B3GLCT: variants seen among roughly 807,000 people sequenced by gnomAD.
B3GLCT encodes beta 3-glucosyltransferase.
A neutral mutation model predicts 63.4 loss-of-function variants in B3GLCT; 65 were observed. The ratio of observed to expected loss-of-function variants is 1.03; its 90% CI spans 0.84 to 1.26. The LOEUF is 1.26. Among genes scored for constraint, B3GLCT ranks in the 50% most tolerant of loss-of-function variants. The pLI is 0.00. For synonymous variants in B3GLCT, 233 were observed against 219.2 expected (o/e 1.06, Z -0.55); for missense variants, 577 against 604.8 (o/e 0.95, Z 0.48).
Position 31,247,869 on chromosome 13 carries a change from A to T in B3GLCT, c.362A>T (p.Tyr121Phe). Residue 121 changes from tyrosine (Y) to phenylalanine (F), a missense_variant, in exon 6 of 15, where the codon TAT (tyrosine) becomes TTT (phenylalanine). Coordinates refer to ENST00000343307, the MANE Select transcript of B3GLCT (RefSeq NM_194318.4). ...LPLLPHFSVT[Y>F]SRNSSWIFFC... ...CTTTTGGTCAGTTTTTCTGTAACATATAGCAGAAATTCATCTTGGATTTTC... is the reference window on the plus strand; with the variant it reads ...CTTTTGGTCAGTTTTTCTGTAACATTTAGCAGAAATTCATCTTGGATTTTC... 6.3e-7 allele frequency: 1 copy of T among 1,580,624 alleles called. No individual in the cohort carries two copies. Among genetic ancestry groups the T allele is most frequent in the Non-Finnish European group, 8.7e-7 (1 of 1,149,948 alleles).
intron 13 of B3GLCT, among the ~76,000 whole-genome samples, chr13:31,323,248 T>C (rs1875422107): frequency 6.6e-6 from 1 of 152,128 alleles, no homozygotes; most frequent in Admixed American, 6.5e-5. Flanking sequence ...GAATGTTTCC[T>C]CCCCCAGGAA....
chr13:31,297,148 T>C (rs953333523), intron 12 of B3GLCT, among the ~76,000 whole-genome samples: 1 of 152,144 alleles, frequency 6.6e-6, no homozygotes, highest in African/African-American at 2.4e-5. Context: ...GGATACAGTA[T>C]GGATAGACCA....
chr13:31,254,476 A>G (rs1316529328), intron 6 of B3GLCT, among the ~76,000 whole-genome samples: 1 of 152,214 alleles, frequency 6.6e-6, no homozygotes, highest in Non-Finnish European at 1.5e-5. Context: ...TTCATGCTAA[A>G]AACTCTCAAT....
At chr13:31,315,939 A>G (rs1818427) in intron 12 of B3GLCT, among the ~76,000 whole-genome samples, 141,465 of 152,304 alleles carry the variant, frequency 0.93, 66,372 homozygotes, top group Non-Finnish European at 0.99. Context: ...GAGGGTGCAA[A>G]CCCCAAGCTT....
At chr13:31,284,317 C>T (rs936846216) in intron 10 of B3GLCT, among the ~76,000 whole-genome samples, 10 of 152,032 alleles carry the variant, frequency 6.6e-5, no homozygotes, top group African/African-American at 2.2e-4. Context: ...TTTCTCTTAC[C>T]GTGCTCCGTG....
At chr13:31,316,959 A>T (rs1480351669) in intron 12 of B3GLCT, among the ~76,000 whole-genome samples, 1 of 152,200 alleles carries the variant, frequency 6.6e-6, no homozygotes, top group African/African-American at 2.4e-5. Context: ...ATTCAAAAGT[A>T]TAAGCAATTA....
chr13:31,280,380 C>G (rs115609863), intron 10 of B3GLCT, among the ~76,000 whole-genome samples: 3 of 152,162 alleles, frequency 2.0e-5, no homozygotes, highest in Non-Finnish European at 4.4e-5. Context: ...CCTGACTTCC[C>G]GCAACACTCT....
chr13:31,215,011 A>G lies in B3GLCT; in HGVS notation c.71-40A>G, dbSNP rs956161438. 3.2e-6 allele frequency: 5 copies of G among 1,551,634 alleles called. No individual in the cohort carries two copies. The African/African-American group carries it at 5.6e-5, about 17-fold the overall frequency. On this transcript the variant is annotated intron_variant, in intron 1 of 14. Coordinates refer to ENST00000343307, the MANE Select transcript of B3GLCT (RefSeq NM_194318.4). ...GATGTGAGAATTAACCTGAATTGCT[A>G]ATTCTAAGGTAGAAATATTTCTTTT...
chr13:31,285,405 C>G (rs1873270373), intron 11 of B3GLCT, among the ~76,000 whole-genome samples: 1 of 151,968 alleles, frequency 6.6e-6, no homozygotes, highest in Admixed American at 6.6e-5. Flanking sequence ...CAGACTTCAC[C>G]ACTGTACAAT....
chr13:31,322,290 C>G (rs1309812370), intron 13 of B3GLCT, among the ~76,000 whole-genome samples: 1 of 152,228 alleles, frequency 6.6e-6, no homozygotes, highest in Non-Finnish European at 1.5e-5. Context: ...GGCTGAAGGC[C>G]AGGAAGGGCA....
intron 10 of B3GLCT, among the ~76,000 whole-genome samples, chr13:31,277,174 T>C (rs901357878): frequency 6.6e-6 from 1 of 152,164 alleles, no homozygotes; most frequent in African/African-American, 2.4e-5. Flanking sequence ...GAAAAAAGAC[T>C]TTTTCTTCTT....
Position 31,284,659 on chromosome 13 carries a change from A to C in B3GLCT, c.862A>C (p.Lys288Gln). The change falls in exon 11 of 15, where the codon AAG becomes CAG. Residue 288 changes from lysine to glutamine, a missense_variant. Lys to Gln is a moderately conservative substitution (Grantham distance 53). Transcript: ENST00000343307. ...KFHGDRIPIV[K>Q]QTWESQASLI... The stretch of plus-strand genomic sequence containing the variant: ...TGTAATTTTTTCAGTACCTATTGTT[A>C]AGCAGACTTGGGAGAGCCAGGCAAG... The C allele has an allele frequency of 6.3e-7, 1 of 1,597,782 alleles. No homozygotes were observed. Among genetic ancestry groups the C allele is most frequent in the Non-Finnish European group, 8.6e-7 (1 of 1,165,158 alleles).
intron 1 of B3GLCT, among the ~76,000 whole-genome samples, chr13:31,211,557 G>A (rs531705286): frequency 2.3e-4 from 35 of 151,328 alleles, no homozygotes; most frequent in African/African-American, 8.5e-4. Flanking sequence ...TCACAGCAGA[G>A]TGATAAGAAA....
chr13:31,291,163 C>T (rs866640887), intron 12 of B3GLCT, among the ~76,000 whole-genome samples: 5 of 152,214 alleles, frequency 3.3e-5, no homozygotes, highest in South Asian at 2.1e-4. Context: ...AGATGTGTGG[C>T]ATTATTTCTG....
intron 6 of B3GLCT, among the ~76,000 whole-genome samples, chr13:31,251,275 G>A (rs184165117): frequency 3.4e-4 from 51 of 152,228 alleles, no homozygotes; most frequent in Non-Finnish European, 6.5e-4. Context: ...AGCACAAAAC[G>A]GCTGAAAATC....
chr13:31,250,311 T>A (rs1196185805), intron 6 of B3GLCT, among the ~76,000 whole-genome samples: 1 of 152,134 alleles, frequency 6.6e-6, no homozygotes, highest in African/African-American at 2.4e-5. Flanking sequence ...GTAGCTGGGA[T>A]TACAGTCTTG....
intron 1 of B3GLCT, among the ~76,000 whole-genome samples, chr13:31,205,235 G>GT (rs549595159): frequency 0.011 from 1,543 of 141,942 alleles, 20 homozygotes; most frequent in African/African-American, 0.027. Flanking sequence ...ATTTGAGTAG[G>GT]TTTTTTTTTT....
intron 4 of B3GLCT, among the ~76,000 whole-genome samples, chr13:31,236,550 G>A (rs956832426): frequency 3.9e-5 from 6 of 152,132 alleles, no homozygotes; most frequent in Non-Finnish European, 7.4e-5. Context: ...TTAATTATAC[G>A]AAGGTCGGTT....
chr13:31,200,793 G>A (rs1166905061), intron 1 of B3GLCT, among the ~76,000 whole-genome samples: 1 of 152,062 alleles, frequency 6.6e-6, no homozygotes, highest in Admixed American at 6.5e-5. Flanking sequence ...ATTCCGACCC[G>A]GAGGAGGACA....
Sources: allele counts gnomAD v4.1 joint callset (sites outside exome capture counted in the v4.1 genomes callset), GRCh38; gene constraint gnomAD v4.1.1; transcripts MANE v1.5; gene names NCBI Gene and HGNC (gene_info 2026-07-23, HGNC 2026-07-21).